FBXW11: variants seen among roughly 807,000 people sequenced by gnomAD.
FBXW11 encodes the protein F-box and WD repeat domain containing 11.
In FBXW11, 19 loss-of-function variants were observed where a neutral mutation model predicts 77.6. The observed-to-expected ratio is 0.24, with a 90% CI of 0.17 to 0.36. FBXW11 has a LOEUF of 0.36. Among genes scored for constraint, FBXW11 ranks in the 10% least tolerant of loss-of-function variants. FBXW11 has a pLI of 1.00. For missense variants in FBXW11, 334 were observed against 704.2 expected, an observed-to-expected ratio of 0.47 and a Z score of 5.95; for synonymous variants, 235 against 249.4, an observed-to-expected ratio of 0.94 and a Z score of 0.54.
At chr5:171,953,184 T>C (rs1763434847) in intron 2 of FBXW11, among the ~76,000 whole-genome samples, 1 of 152,152 alleles carries the variant, frequency 6.6e-6, no homozygotes, top group African/African-American at 2.4e-5. Flanking sequence ...AAAATGTTTG[T>C]AGGGCCTTGC....
intron 1 of FBXW11, among the ~76,000 whole-genome samples, chr5:171,958,697 T>C (rs1268234993): frequency 1.3e-5 from 2 of 152,220 alleles, no homozygotes; most frequent in Non-Finnish European, 2.9e-5. Context: ...CATTAGACCA[T>C]ACTGTAAAGT....
At chr5:171,934,348 C>T (rs1381549113) in intron 2 of FBXW11, among the ~76,000 whole-genome samples, 1 of 152,000 alleles carries the variant, frequency 6.6e-6, no homozygotes, top group Non-Finnish European at 1.5e-5. Flanking sequence ...CATTAAAATA[C>T]CCCCAAAACA....
chr5:171,867,471 A>C (rs1388765443), intron 13 of FBXW11, among the ~76,000 whole-genome samples: 3 of 151,372 alleles, frequency 2.0e-5, no homozygotes, highest in Non-Finnish European at 4.4e-5. Context: ...AAAAAACTTA[A>C]TGGATAAGCA....
chr5:171,935,115 G>A (rs919994227), intron 2 of FBXW11, among the ~76,000 whole-genome samples: 1 of 152,126 alleles, frequency 6.6e-6, no homozygotes, highest in African/African-American at 2.4e-5. Context: ...CACCACGCCT[G>A]GCTAATTTTG....
Position 172,006,394 on chromosome 5 carries a change from G to A in FBXW11, c.45+64C>T, listed in dbSNP as rs1297992252. ...GAGCCGGCCTCGCACCGGACGTTGA[G>A]GTGGGCAGGCCCGCCCGGGGCCGGA... On this transcript the variant is annotated intron_variant, in intron 1 of 13. Coordinates refer to ENST00000517395, the MANE Select transcript of FBXW11 (RefSeq NM_001378974.1). The A allele has an allele frequency of 7.0e-6, 10 of 1,421,658 alleles. 1 individual carries two copies. The East Asian group carries it at 2.5e-4, about 35-fold the overall frequency. The allele number at this position is 1,421,658 out of a possible 1,614,324, so 88.1% of individuals were successfully genotyped here.
intron 7 of FBXW11, among the ~76,000 whole-genome samples, chr5:171,885,783 T>C (rs990724505): frequency 2.0e-5 from 3 of 152,238 alleles, no homozygotes; most frequent in African/African-American, 7.2e-5. Flanking sequence ...TACAGTTTAC[T>C]GCAAGTGAAC....
At chr5:171,998,066 T>C (rs1471008640) in intron 1 of FBXW11, among the ~76,000 whole-genome samples, 1 of 152,110 alleles carries the variant, frequency 6.6e-6, no homozygotes, top group African/African-American at 2.4e-5. Context: ...CCCATGCCCT[T>C]TTCATGGAGC....
intron 2 of FBXW11, among the ~76,000 whole-genome samples, chr5:171,930,762 T>TAAAAAAA (rs59700625): frequency 7.9e-6 from 1 of 126,526 alleles, no homozygotes; most frequent in Non-Finnish European, 1.7e-5. Flanking sequence ...AATAAAAAAA[T>TAAAAAAA]AAAAAAAAAA....
chr5:171,987,904 G>A (rs1425194917), intron 1 of FBXW11, among the ~76,000 whole-genome samples: 1 of 152,162 alleles, frequency 6.6e-6, no homozygotes, highest in Non-Finnish European at 1.5e-5. Flanking sequence ...AGCAAGGTAT[G>A]CATTTGATTC....
intron 13 of FBXW11, among the ~76,000 whole-genome samples, chr5:171,864,402 G>A (rs547844740): frequency 6.6e-6 from 1 of 152,310 alleles, no homozygotes; most frequent in East Asian, 1.9e-4. Context: ...GGGATTCAAG[G>A]AGAGGGCTGA....
chr5:171,966,122 T>C (rs561114099), intron 1 of FBXW11, among the ~76,000 whole-genome samples: 23 of 152,324 alleles, frequency 1.5e-4, no homozygotes, highest in African/African-American at 5.5e-4. Context: ...CTCTTCTTTA[T>C]GAATTACCCA....
At chr5:171,898,063 G>A (rs1212689546) in intron 6 of FBXW11, among the ~76,000 whole-genome samples, 1 of 152,076 alleles carries the variant, frequency 6.6e-6, no homozygotes, top group Non-Finnish European at 1.5e-5. Flanking sequence ...AAGACAGTTT[G>A]GGCTTTAAAT....
chr5:171,971,680 G>A (rs1764540863), intron 1 of FBXW11, among the ~76,000 whole-genome samples: 2 of 152,146 alleles, frequency 1.3e-5, no homozygotes, highest in African/African-American at 4.8e-5. Context: ...GGGAAAAGTT[G>A]AAAATTAACA....
intron 7 of FBXW11, among the ~76,000 whole-genome samples, chr5:171,885,971 C>T (rs867645222): frequency 1.3e-5 from 2 of 152,190 alleles, no homozygotes; most frequent in East Asian, 1.9e-4. Flanking sequence ...CTCTTCAAAG[C>T]GCACTTCTGC....
chr5:171,959,297 A>G (rs9313566), intron 1 of FBXW11, among the ~76,000 whole-genome samples: 130,801 of 151,792 alleles, frequency 0.86, 57,628 homozygotes, highest in East Asian at 1. Context: ...TTTGCAGAGT[A>G]CCAACCACAG....
At position 171,981,157 on chromosome 5, in the gene FBXW11, AATCT is replaced by A. The variant is rs558835326; in HGVS notation, c.46-23463_46-23460del. Among the ~76,000 whole-genome samples, 5 of 151,970 alleles carry A rather than the reference AATCT, an allele frequency of 3.3e-5. No individual in the cohort carries two copies. The South Asian group carries it at 1.0e-3, about 32-fold the overall frequency. On this transcript the variant is annotated intron_variant, in intron 1 of 13. Transcript: ENST00000517395. The stretch of plus-strand genomic sequence containing the variant: ...TAATGTGACCTCCATTAAAAAAAAA[AATCT>A]TAAAGGGCAGGGTTCAGAGAACTTC...
At chr5:171,915,378 C>T (rs979318961) in intron 2 of FBXW11, among the ~76,000 whole-genome samples, 2 of 152,288 alleles carry the variant, frequency 1.3e-5, no homozygotes, top group Non-Finnish European at 2.9e-5. Context: ...CTCAAATTTT[C>T]CCTATTTTTC....
intron 7 of FBXW11, among the ~76,000 whole-genome samples, chr5:171,891,222 A>G (rs1759324892): frequency 6.6e-6 from 1 of 152,190 alleles, no homozygotes; most frequent in South Asian, 2.1e-4. Flanking sequence ...TTTTCTATTT[A>G]CACCTAATAC....
At chr5:171,975,437 C>T (rs1764776206) in intron 1 of FBXW11, among the ~76,000 whole-genome samples, 1 of 152,128 alleles carries the variant, frequency 6.6e-6, no homozygotes. Flanking sequence ...CAGGCTCTCT[C>T]GAGTGCTGCT....
Sources: gnomAD v4.1 joint callset for allele counts (sites outside exome capture counted in the v4.1 genomes callset) on GRCh38, gnomAD v4.1.1 for gene constraint, MANE v1.5 for transcripts, NCBI Gene and HGNC (gene_info 2026-07-23, HGNC 2026-07-21) for gene names.